Variants in SGMS1 observed in about 807,000 individuals in gnomAD.
SGMS1 encodes phosphatidylcholine:ceramide cholinephosphotransferase 1.
In SGMS1, 13 loss-of-function variants were observed where a neutral mutation model predicts 46.2. The ratio of observed to expected loss-of-function variants is 0.28; its 90% confidence interval spans 0.18 to 0.45. The LOEUF is 0.45. SGMS1 is among the 20% of genes least tolerant of loss of function. The pLI is 1.00. For missense variants in SGMS1, 324 were observed against 519.9 expected, an observed-to-expected ratio of 0.62 and a Z score of 3.66; for synonymous variants, 203 against 187.8, an observed-to-expected ratio of 1.08 and a Z score of -0.66.
chr10:50,381,525 A>G (rs1441728091), intron 6 of SGMS1, among the ~76,000 whole-genome samples: 6 of 152,192 alleles, frequency 3.9e-5, no homozygotes, highest in African/African-American at 1.4e-4. Context: ...CTTTAGATCC[A>G]ATTGCTTTTG....
chr10:50,529,781 A>G (rs1837936330), intron 2 of SGMS1, among the ~76,000 whole-genome samples: 1 of 152,222 alleles, frequency 6.6e-6, no homozygotes, highest in Non-Finnish European at 1.5e-5. Flanking sequence ...GGCTGGGCCA[A>G]CAATGGTTGA....
At chr10:50,324,249 C>T (rs748843789) in intron 8 of SGMS1, among the ~76,000 whole-genome samples, 119 of 152,144 alleles carry the variant, frequency 7.8e-4, no homozygotes, top group Non-Finnish European at 1.4e-3. Flanking sequence ...TTGCCCAATG[C>T]TAGTAAGTGG....
intron 6 of SGMS1, among the ~76,000 whole-genome samples, chr10:50,432,370 G>C (rs564007622): frequency 6.6e-6 from 1 of 152,164 alleles, no homozygotes; most frequent in African/African-American, 2.4e-5. Context: ...TGTAACTACT[G>C]TATCTGGTTG....
chr10:50,312,709 T>C (rs1279459900), intron 8 of SGMS1, among the ~76,000 whole-genome samples: 1 of 152,224 alleles, frequency 6.6e-6, no homozygotes, highest in Non-Finnish European at 1.5e-5. Context: ...AAAGCCTTTT[T>C]CATATATACA....
chr10:50,366,760 A>G (rs1848352599), intron 6 of SGMS1, among the ~76,000 whole-genome samples: 1 of 152,022 alleles, frequency 6.6e-6, no homozygotes, highest in Non-Finnish European at 1.5e-5. Flanking sequence ...ATGAGAACAC[A>G]TGGACACAGG....
intron 7 of SGMS1, among the ~76,000 whole-genome samples, chr10:50,334,000 G>T (rs1349989913): frequency 1.3e-5 from 2 of 152,160 alleles, no homozygotes; most frequent in African/African-American, 4.8e-5. Flanking sequence ...TTAAGTACTA[G>T]CCTGGAGCCA....
At chr10:50,353,565 CAT>C (rs1848065610) in intron 6 of SGMS1, among the ~76,000 whole-genome samples, 1 of 152,292 alleles carries the variant, frequency 6.6e-6, no homozygotes, top group Admixed American at 6.5e-5. Flanking sequence ...TCCTATTCAA[CAT>C]AGTGTTGGAA....
intron 1 of SGMS1, among the ~76,000 whole-genome samples, chr10:50,612,878 C>A (rs1838763645): frequency 1.3e-5 from 2 of 152,158 alleles, no homozygotes; most frequent in Admixed American, 1.3e-4. Flanking sequence ...CAGGCTAATT[C>A]TTGTATTTTT....
rs780606447 is a variant in SGMS1 at position 50,602,412 on chromosome 10, T to C, written c.-683-12165A>G. Among the ~76,000 whole-genome samples the C allele has an allele frequency of 3.2e-4, 48 of 152,172 alleles. 1 individual carries two copies. Among genetic ancestry groups the C allele is most frequent in the Admixed American group, 6.5e-5 (1 of 15,276 alleles). On this transcript the variant is annotated intron_variant, in intron 1 of 10. Coordinates refer to ENST00000361781, the MANE Select transcript of SGMS1 (RefSeq NM_147156.4). The stretch of plus-strand genomic sequence containing the variant: ...GGTAGTCCTTATTTAACTCAGTCCT[T>C]ATTTAACTAACACTTGTGTCACTGG...
intron 5 of SGMS1, among the ~76,000 whole-genome samples, chr10:50,447,432 A>G (rs1285052457): frequency 6.6e-6 from 1 of 152,150 alleles, no homozygotes; most frequent in Non-Finnish European, 1.5e-5. Flanking sequence ...AAAATGTATC[A>G]TTTCTTTCCT....
At chr10:50,503,335 T>TA (rs1288197872) in intron 3 of SGMS1, among the ~76,000 whole-genome samples, 5 of 152,326 alleles carry the variant, frequency 3.3e-5, no homozygotes, top group Non-Finnish European at 5.9e-5. Flanking sequence ...CCTTGCTCCC[T>TA]AGTTCCTGTC....
intron 2 of SGMS1, among the ~76,000 whole-genome samples, chr10:50,565,306 A>T (rs990563783): frequency 1.3e-5 from 2 of 152,214 alleles, no homozygotes; most frequent in African/African-American, 4.8e-5. Context: ...ATATATTTTT[A>T]TACAAAATCA....
intron 2 of SGMS1, among the ~76,000 whole-genome samples, chr10:50,553,619 A>G (rs903110981): frequency 6.6e-6 from 1 of 152,174 alleles, no homozygotes; most frequent in African/African-American, 2.4e-5. Context: ...GACCTCAGCA[A>G]GGTAAGGCAG....
chr10:50,407,618 C>A (rs907210106), intron 6 of SGMS1, among the ~76,000 whole-genome samples: 4 of 147,618 alleles, frequency 2.7e-5, no homozygotes, highest in Admixed American at 6.6e-5. Flanking sequence ...TTACCGCATT[C>A]CCCCCGCCGT....
At chr10:50,571,130 T>C (rs1838333212) in intron 2 of SGMS1, among the ~76,000 whole-genome samples, 1 of 152,218 alleles carries the variant, frequency 6.6e-6, no homozygotes, top group Non-Finnish European at 1.5e-5. Flanking sequence ...TCTAATCAAA[T>C]TACTAGCAAG....
At chr10:50,488,441 T>C (rs1396709007) in intron 3 of SGMS1, among the ~76,000 whole-genome samples, 3 of 152,190 alleles carry the variant, frequency 2.0e-5, no homozygotes, top group African/African-American at 7.2e-5. Flanking sequence ...GATATGCATA[T>C]AAATCAGAAT....
chr10:50,610,386 G>C (rs1838738578), intron 1 of SGMS1, among the ~76,000 whole-genome samples: 1 of 152,116 alleles, frequency 6.6e-6, no homozygotes, highest in Non-Finnish European at 1.5e-5. Flanking sequence ...TAGATGCACT[G>C]TCCCCCAAAA....
chr10:50,414,583 A>G (rs1849143710), intron 6 of SGMS1, among the ~76,000 whole-genome samples: 1 of 152,168 alleles, frequency 6.6e-6, no homozygotes, highest in African/African-American at 2.4e-5. Flanking sequence ...ATATAATTTA[A>G]TCCTTCAACA....
intron 5 of SGMS1, among the ~76,000 whole-genome samples, chr10:50,454,840 A>T (rs2133672063): frequency 6.6e-6 from 1 of 152,326 alleles, no homozygotes; most frequent in Middle Eastern, 3.4e-3. Context: ...ATAAAAATTC[A>T]CCAACTTATA....
Sources: gnomAD v4.1 joint callset for allele counts (sites outside exome capture counted in the v4.1 genomes callset) on GRCh38, gnomAD v4.1.1 for gene constraint, MANE v1.5 for transcripts, NCBI Gene and HGNC (gene_info 2026-07-23, HGNC 2026-07-21) for gene names.